SPAM1: variants seen among roughly 807,000 people sequenced by gnomAD.
SPAM1 encodes sperm adhesion molecule 1.
In SPAM1, 22 loss-of-function variants were observed where a neutral mutation model predicts 29.6. The observed-to-expected ratio is 0.74, with a 90% CI of 0.53 to 1.06. The LOEUF (loss-of-function observed/expected upper bound fraction) is 1.06, where lower values mean the gene tolerates loss of function less well. Ranked by LOEUF, SPAM1 falls within the 50% of genes least tolerant of loss-of-function variation. The probability of loss-of-function intolerance (pLI) is 0.00; values close to 1 mark genes in which losing one functional copy is unlikely to be tolerated. For synonymous variants in SPAM1, 194 were observed against 204.6 expected (o/e 0.95, Z 0.44); for missense variants, 534 against 604.0 (o/e 0.88, Z 1.21).
At chr7:123,950,540 A>T (rs1234894259) in intron 2 of SPAM1, among the ~76,000 whole-genome samples, 2 of 152,062 alleles carry the variant, frequency 1.3e-5, no homozygotes, top group African/African-American at 4.8e-5. Context: ...GAGTTAGTTC[A>T]TTTAGGATAA....
At chr7:123,970,419 C>A in intron 6 of SPAM1, 1 of 598,662 alleles carries the variant, frequency 1.7e-6, no homozygotes, top group Non-Finnish European at 2.8e-6. Context: ...CACTTAATTA[C>A]CTCTTAAAGA....
At chr7:123,957,382 C>G (rs1206018211) in intron 4 of SPAM1, among the ~76,000 whole-genome samples, 1 of 151,914 alleles carries the variant, frequency 6.6e-6, no homozygotes, top group East Asian at 1.9e-4. Context: ...AATGAACCTG[C>G]CGTGCTAGTG....
intron 2 of SPAM1, among the ~76,000 whole-genome samples, chr7:123,952,255 A>T (rs1271634796): frequency 3.3e-5 from 5 of 152,116 alleles, no homozygotes; most frequent in African/African-American, 1.2e-4. Flanking sequence ...AATAGTCCTT[A>T]TGATTTTATT....
intron 4 of SPAM1, among the ~76,000 whole-genome samples, chr7:123,956,353 C>T (rs1312890030): frequency 6.6e-6 from 1 of 151,918 alleles, no homozygotes; most frequent in Non-Finnish European, 1.5e-5. Flanking sequence ...ATTACTTCCC[C>T]TTTTTTCTAT....
intron 2 of SPAM1, among the ~76,000 whole-genome samples, chr7:123,951,411 A>G (rs1268462475): frequency 6.6e-6 from 1 of 152,136 alleles, no homozygotes; most frequent in Non-Finnish European, 1.5e-5. Flanking sequence ...TACTTCAAAC[A>G]AAAAGAAGAC....
Position 123,927,493 on chromosome 7 carries a change from G to T in SPAM1, c.-319+2141G>T, listed in dbSNP as rs75443007. On this transcript the variant is annotated intron_variant, in intron 1 of 4. Transcript: ENST00000682466. ...GATGACAATAGCTAGCTGTCCCTAG[G>T]AATTTATGCAGCTGCTTTTTGGTTT... is the stretch of plus-strand genomic sequence containing the variant. 8.8e-3 allele frequency among the ~76,000 whole-genome samples: 1,342 copies of T among 152,232 alleles called. 27 individuals carry two copies. The highest frequency in any genetic ancestry group is 0.031 in the African/African-American group (1,268 of 41,554).
rs1464117195 is a variant in SPAM1, at chr7:123,938,074, G to C, written c.-318-11798G>C. On this transcript the variant is annotated intron_variant, in intron 1 of 4. Transcript: ENST00000682466. ...CTAAGACTTTAGTTATAGTTTTGCTGTCACAAAATGTGCTTTTTTTTTTTT... is the reference window on the plus strand; with the variant it reads ...CTAAGACTTTAGTTATAGTTTTGCTCTCACAAAATGTGCTTTTTTTTTTTT... Among the ~76,000 whole-genome samples the C allele has an allele frequency of 2.0e-5, 3 of 151,102 alleles. No homozygotes were observed. The East Asian group carries it at 5.8e-4, about 29-fold the overall frequency.
chr7:123,930,003 G>A (rs1808021753), intron 1 of SPAM1, among the ~76,000 whole-genome samples: 1 of 151,024 alleles, frequency 6.6e-6, no homozygotes, highest in African/African-American at 2.4e-5. Context: ...TCAGGGTCTG[G>A]AGATTCAAAA....
chr7:123,951,298 A>G (rs1808757174), intron 2 of SPAM1, among the ~76,000 whole-genome samples: 1 of 151,954 alleles, frequency 6.6e-6, no homozygotes, highest in South Asian at 2.1e-4. Context: ...TTTTTGTTGC[A>G]TTTGCTTTTG....
At chr7:123,939,167 G>A (rs1401057621) in intron 1 of SPAM1, among the ~76,000 whole-genome samples, 1 of 149,004 alleles carries the variant, frequency 6.7e-6, no homozygotes, top group African/African-American at 2.5e-5. Context: ...CTCACTGCAA[G>A]CTCCGCCTCC....
At chr7:123,939,315 G>T (rs1302996442) in intron 1 of SPAM1, among the ~76,000 whole-genome samples, 1 of 152,126 alleles carries the variant, frequency 6.6e-6, no homozygotes, top group Middle Eastern at 3.2e-3. Context: ...TCCAACTCCT[G>T]ACCTCGTGAT....
intron 5 of SPAM1, among the ~76,000 whole-genome samples, chr7:123,967,168 A>T (rs1001731799): frequency 3.9e-5 from 6 of 151,968 alleles, no homozygotes; most frequent in African/African-American, 1.4e-4. Flanking sequence ...GTGCTTCTTC[A>T]ACAGTAACAT....
intron 1 of SPAM1, among the ~76,000 whole-genome samples, chr7:123,942,432 T>G (rs1808459999): frequency 6.6e-6 from 1 of 152,210 alleles, no homozygotes; most frequent in Non-Finnish European, 1.5e-5. Flanking sequence ...TTTTTCTTTC[T>G]CCAGTCCTAT....
At chr7:123,943,407 T>C (rs1230622996) in intron 1 of SPAM1, among the ~76,000 whole-genome samples, 1 of 152,110 alleles carries the variant, frequency 6.6e-6, no homozygotes, top group Non-Finnish European at 1.5e-5. Context: ...AAATACACAA[T>C]TTACAAGAAA....
At chr7:123,963,108 A>C (rs1199294753), downstream of SPAM1, among the ~76,000 whole-genome samples, 2 of 151,878 alleles carry the variant, frequency 1.3e-5, no homozygotes, top group African/African-American at 4.8e-5. Flanking sequence ...TTTTGCCAGG[A>C]TGAAATGGAA....
At chr7:123,950,276 A>G (rs2117053490) in intron 2 of SPAM1, among the ~76,000 whole-genome samples, 1 of 152,080 alleles carries the variant, frequency 6.6e-6, no homozygotes, top group South Asian at 2.1e-4. Context: ...ATTTAATTTT[A>G]TTTTAGATTA....
intron 1 of SPAM1, among the ~76,000 whole-genome samples, chr7:123,944,898 G>C (rs1190210180): frequency 3.9e-5 from 6 of 152,060 alleles, no homozygotes; most frequent in Non-Finnish European, 4.4e-5. Flanking sequence ...TAAGAGTAAA[G>C]CAATACCTTA....
chr7:123,943,081 AG>A (rs1014678424), intron 1 of SPAM1, among the ~76,000 whole-genome samples: 15 of 152,174 alleles, frequency 9.9e-5, no homozygotes, highest in Admixed American at 7.2e-4. Context: ...ATATTTCAAA[AG>A]AAAAGTTTTT....
At chr7:123,961,931 A>G (rs962372551), downstream of SPAM1, among the ~76,000 whole-genome samples, 26 of 152,020 alleles carry the variant, frequency 1.7e-4, no homozygotes, top group African/African-American at 6.3e-4. Flanking sequence ...CTTATTCACT[A>G]CCACGAGAAC....
Sources: gnomAD v4.1 joint callset for allele counts (sites outside exome capture counted in the v4.1 genomes callset) on GRCh38, gnomAD v4.1.1 for gene constraint, MANE v1.5 for transcripts, NCBI Gene and HGNC (gene_info 2026-07-23, HGNC 2026-07-21) for gene names.